The following EPHA6 variants were observed in gnomAD, a reference collection of about 807,000 sequenced individuals.
EPHA6 encodes the protein ephrin type-A receptor 6.
Under a neutral mutation model 112.0 loss-of-function variants are expected in EPHA6, and 50 were observed. That is an observed-to-expected ratio of 0.45 (90% CI 0.36 to 0.56). The LOEUF is 0.56. Among genes scored for constraint, EPHA6 ranks in the 20% least tolerant of loss-of-function variants. The pLI is 0.00. For missense variants in EPHA6, 1,280 were observed against 1,417.4 expected (o/e 0.90, Z 1.56); for synonymous variants, 529 against 490.7 (o/e 1.08, Z -1.03).
At chr3:97,266,730 A>T (rs900606995) in intron 5 of EPHA6, among the ~76,000 whole-genome samples, 12 of 152,158 alleles carry the variant, frequency 7.9e-5, no homozygotes, top group Middle Eastern at 3.2e-3. Flanking sequence ...ATTTTTTGTA[A>T]CCTTGTCTTG....
chr3:96,891,672 G>A (rs1160436710), intron 2 of EPHA6, among the ~76,000 whole-genome samples: 1 of 152,112 alleles, frequency 6.6e-6, no homozygotes, highest in East Asian at 1.9e-4. Context: ...TCGCACCACT[G>A]CACTCCAGCA....
intron 11 of EPHA6, among the ~76,000 whole-genome samples, chr3:97,560,754 C>G (rs774177484): frequency 6.6e-6 from 1 of 151,962 alleles, no homozygotes; most frequent in African/African-American, 2.4e-5. Flanking sequence ...TAAACAAATA[C>G]AGGGATACTC....
intron 11 of EPHA6, among the ~76,000 whole-genome samples, chr3:97,552,415 G>T (rs900758537): frequency 1.3e-5 from 2 of 152,128 alleles, no homozygotes; most frequent in African/African-American, 4.8e-5. Context: ...ACACAGGTTG[G>T]CAGGGAAGTT....
chr3:97,093,870 G>C (rs1450509166), intron 3 of EPHA6, among the ~76,000 whole-genome samples: 1 of 152,098 alleles, frequency 6.6e-6, no homozygotes, highest in African/African-American at 2.4e-5. Flanking sequence ...GGAGTAGTAA[G>C]ACCAAATACT....
At chr3:97,208,357 GTTA>G (rs2077769805) in intron 3 of EPHA6, among the ~76,000 whole-genome samples, 1 of 152,144 alleles carries the variant, frequency 6.6e-6, no homozygotes, top group Non-Finnish European at 1.5e-5. Context: ...ATGAATAGTT[GTTA>G]TTCAATATAA....
At chr3:96,933,431 T>C (rs956859005) in intron 2 of EPHA6, among the ~76,000 whole-genome samples, 11 of 146,738 alleles carry the variant, frequency 7.5e-5, no homozygotes, top group Non-Finnish European at 1.5e-4. Flanking sequence ...ATAAAAACTT[T>C]AGTTTAACTA....
chr3:96,980,610 G>A (rs1354405715), intron 2 of EPHA6, among the ~76,000 whole-genome samples: 7 of 152,082 alleles, frequency 4.6e-5, no homozygotes, highest in Admixed American at 1.3e-4. Context: ...TAGCTTGATG[G>A]GGATGGCATT....
chr3:97,222,768 C>T (rs1410334115), intron 3 of EPHA6, among the ~76,000 whole-genome samples: 1 of 152,178 alleles, frequency 6.6e-6, no homozygotes, highest in Non-Finnish European at 1.5e-5. Flanking sequence ...TTCAATTAAA[C>T]AAGTATGTAT....
At chr3:97,063,569 G>A (rs1208359908) in intron 3 of EPHA6, among the ~76,000 whole-genome samples, 1 of 152,144 alleles carries the variant, frequency 6.6e-6, no homozygotes, top group Non-Finnish European at 1.5e-5. Context: ...GGGAGGGAGA[G>A]AATCAGGAGA....
At chr3:97,265,382 C>G (rs1201328210) in intron 5 of EPHA6, among the ~76,000 whole-genome samples, 1 of 152,174 alleles carries the variant, frequency 6.6e-6, no homozygotes, top group Non-Finnish European at 1.5e-5. Flanking sequence ...CCAACATCGG[C>G]TTCTCTCTCA....
intron 14 of EPHA6, among the ~76,000 whole-genome samples, chr3:97,714,131 G>C (rs1211656630): frequency 3.3e-5 from 5 of 152,336 alleles, no homozygotes; most frequent in Middle Eastern, 3.4e-3. Flanking sequence ...GGTGAGTTCA[G>C]TGATTCCACA....
At chr3:96,871,206 T>C (rs1264351153) in intron 2 of EPHA6, among the ~76,000 whole-genome samples, 4 of 152,174 alleles carry the variant, frequency 2.6e-5, no homozygotes, top group African/African-American at 9.6e-5. Flanking sequence ...TCTATCAGTG[T>C]ACATTTCTTT....
intron 2 of EPHA6, among the ~76,000 whole-genome samples, chr3:96,868,190 C>G (rs1403808397): frequency 2.1e-5 from 3 of 141,054 alleles, no homozygotes; most frequent in African/African-American, 8.5e-5. Flanking sequence ...GAGAGAGAGA[C>G]AGAGTGTGTG....
chr3:97,455,990 T>C (rs2090671693), intron 7 of EPHA6, among the ~76,000 whole-genome samples: 1 of 152,026 alleles, frequency 6.6e-6, no homozygotes, highest in African/African-American at 2.4e-5. Flanking sequence ...CTTTGCTAAA[T>C]GGGCTGGAAA....
chr3:97,527,040 G>T (rs1027555455), intron 10 of EPHA6, among the ~76,000 whole-genome samples: 3 of 152,052 alleles, frequency 2.0e-5, no homozygotes, highest in African/African-American at 7.2e-5. Flanking sequence ...GAAGTACTAG[G>T]CTAGAATTAC....
At chr3:97,278,656 C>T (rs1463838670) in intron 5 of EPHA6, among the ~76,000 whole-genome samples, 1 of 152,198 alleles carries the variant, frequency 6.6e-6, no homozygotes, top group East Asian at 1.9e-4. Context: ...ATATCAGAAT[C>T]ACCAAGAAAA....
At chr3:97,309,833 C>T (rs1315366432) in intron 5 of EPHA6, among the ~76,000 whole-genome samples, 2 of 151,524 alleles carry the variant, frequency 1.3e-5, no homozygotes, top group Non-Finnish European at 3.0e-5. Context: ...TTTTTAGTAA[C>T]CACCTTTGTA....
chr3:97,348,967 A>T (rs2108886231), intron 5 of EPHA6, among the ~76,000 whole-genome samples: 1 of 152,192 alleles, frequency 6.6e-6, no homozygotes, highest in Admixed American at 6.5e-5. Flanking sequence ...ACCTTAACAA[A>T]TGAGTTCAAT....
chr3:97,032,780 A>G (rs2044918538), intron 3 of EPHA6, among the ~76,000 whole-genome samples: 1 of 151,850 alleles, frequency 6.6e-6, no homozygotes. Flanking sequence ...CAAATATTCA[A>G]CCCCAGACCT....
Sources: gnomAD v4.1 joint callset for allele counts (sites outside exome capture counted in the v4.1 genomes callset) on GRCh38, gnomAD v4.1.1 for gene constraint, MANE v1.5 for transcripts, NCBI Gene and HGNC (gene_info 2026-07-23, HGNC 2026-07-21) for gene names.